The following TYW1 variants were observed in gnomAD, a reference collection of about 807,000 sequenced individuals.
TYW1 encodes the protein S-adenosyl-L-methionine-dependent tRNA 4-demethylwyosine synthase TYW1.
Under a neutral mutation model 96.2 loss-of-function variants are expected in TYW1, and 46 were observed. That is an observed-to-expected ratio of 0.48 (90% confidence interval 0.38 to 0.61). The LOEUF (loss-of-function observed/expected upper bound fraction) is 0.61, where lower values mean the gene tolerates loss of function less well. Ranked by LOEUF, TYW1 falls within the 20% of genes least tolerant of loss-of-function variation. The pLI is 0.00. For synonymous variants in TYW1, 274 were observed against 323.0 expected, an observed-to-expected ratio of 0.85 and a Z score of 1.63; for missense variants, 684 against 909.6, an observed-to-expected ratio of 0.75 and a Z score of 3.19.
intron 12 of TYW1, among the ~76,000 whole-genome samples, chr7:67,107,874 C>CTTT (rs1027528139): frequency 2.8e-4 from 34 of 121,472 alleles, no homozygotes; most frequent in Admixed American, 9.3e-4. Context: ...CCAAGATGGA[C>CTTT]TTTTTTTTTT....
intron 5 of TYW1, among the ~76,000 whole-genome samples, chr7:67,014,854 C>G (rs1408077274): frequency 3.3e-5 from 5 of 151,948 alleles, no homozygotes; most frequent in Admixed American, 3.3e-4. Flanking sequence ...CTCAACCTCC[C>G]GAGTAGCTGG....
chr7:67,058,217 G>A (rs1322247842), intron 9 of TYW1, among the ~76,000 whole-genome samples: 1 of 152,184 alleles, frequency 6.6e-6, no homozygotes, highest in Admixed American at 6.5e-5. Context: ...TACAGGCGTA[G>A]GCCACTGCGC....
At chr7:67,062,395 ACT>A (rs1327665386) in intron 9 of TYW1, among the ~76,000 whole-genome samples, 1 of 150,126 alleles carries the variant, frequency 6.7e-6, no homozygotes, top group Non-Finnish European at 1.5e-5. Context: ...GGCAACAGAG[ACT>A]CTGTCTTAAA....
At chr7:67,002,690 G>A (rs191298201) in intron 3 of TYW1, among the ~76,000 whole-genome samples, 2 of 151,754 alleles carry the variant, frequency 1.3e-5, no homozygotes, top group Non-Finnish European at 2.9e-5. Context: ...TTGACGATTT[G>A]TGTGCATTAG....
At position 67,083,529 on chromosome 7, in the gene TYW1, G is replaced by A. The variant is rs1796447658; in HGVS notation, c.1374G>A (p.Lys458=). 6.2e-7 allele frequency: 1 copy of A among 1,614,116 alleles called. No individual in the cohort carries two copies. The highest frequency in any genetic ancestry group is 1.1e-5 in the South Asian group (1 of 91,084). The change falls in exon 11 of 16, where the codon AAG becomes AAA. Residue 458 remains lysine (K), a synonymous_variant. Transcript: ENST00000359626. Reference sequence around the variant, plus strand: ...TTGAAAACCATCAGAACATGATTAAGCAGTTTAAAGGTATTTATCTTCCCT... The same window carrying A: ...TTGAAAACCATCAGAACATGATTAAACAGTTTAAAGGTATTTATCTTCCCT... ...EAIENHQNMI[K]QFKGVPGVKA... is the part of the protein sequence containing the mutation.
Position 67,117,595 on chromosome 7 carries a change from A to T in TYW1, c.1675A>T (p.Ser559Cys), listed in dbSNP as rs768442698. 6.2e-7 allele frequency: 1 copy of T among 1,613,168 alleles called. No homozygotes were observed. The highest frequency in any genetic ancestry group is 8.5e-7 in the Non-Finnish European group (1 of 1,179,778). Residue 559 changes from serine to cysteine, a missense_variant, in exon 13 of 16, where the codon AGT becomes TGT. By Grantham distance (112) the Ser-to-Cys change is moderately radical. Transcript: ENST00000359626. ...FKDFWQRFLD[S>C]LKALAVKQQR... ...GGATTTCTGGCAGAGATTCCTTGAC[A>T]GTTTAAAAGCCTTGGCAGTCAAGGT...
At chr7:67,069,909 C>T (rs892667923) in intron 10 of TYW1, among the ~76,000 whole-genome samples, 9 of 152,220 alleles carry the variant, frequency 5.9e-5, no homozygotes, top group South Asian at 4.1e-4. Context: ...TAGTATTTAT[C>T]GTAGGGCAGG....
chr7:67,074,593 T>TA, intron 10 of TYW1, among the ~76,000 whole-genome samples: 1 of 152,350 alleles, frequency 6.6e-6, no homozygotes, highest in East Asian at 1.9e-4. Context: ...TACGAGGTTT[T>TA]AAAATTAGAA....
Position 67,239,110 on chromosome 7 carries a change from C to A in TYW1, c.*581C>A. 2 of 986,498 alleles carry A rather than the reference C, an allele frequency of 2.0e-6. No homozygotes were observed. The highest frequency in any genetic ancestry group is 2.4e-6 in the Non-Finnish European group (2 of 830,596). The allele number at this position is 986,498 out of a possible 1,614,324, so 61.1% of individuals were successfully genotyped here. On this transcript the variant is annotated 3_prime_UTR_variant, in exon 16 of 16. Transcript: ENST00000359626. ...GTTTTGGTTTATTACCAACCCTTCC[C>A]AGAATTGCGTTGGATCTAAAACTAC...
intron 15 of TYW1, among the ~76,000 whole-genome samples, chr7:67,208,722 A>G (rs6942913): frequency 0.26 from 39,706 of 149,858 alleles, 5,635 homozygotes; most frequent in African/African-American, 0.35. Context: ...ACAACATTCT[A>G]GAGGGATCCC....
At chr7:67,085,766 C>T (rs985593864) in intron 11 of TYW1, among the ~76,000 whole-genome samples, 1 of 152,088 alleles carries the variant, frequency 6.6e-6, no homozygotes, top group East Asian at 1.9e-4. Context: ...GTCAGGAGTT[C>T]GAGACCAGCC....
intron 13 of TYW1, among the ~76,000 whole-genome samples, chr7:67,151,187 A>G (rs936674370): frequency 6.6e-6 from 1 of 152,198 alleles, no homozygotes; most frequent in Non-Finnish European, 1.5e-5. Context: ...AATAGCTGGA[A>G]TTAAAGGTGT....
intron 15 of TYW1, among the ~76,000 whole-genome samples, chr7:67,200,625 G>T (rs1296063706): frequency 3.3e-5 from 5 of 152,040 alleles, no homozygotes; most frequent in Non-Finnish European, 7.4e-5. Context: ...ATTTGGGTGG[G>T]GACACAGTCA....
intron 13 of TYW1, among the ~76,000 whole-genome samples, chr7:67,128,683 T>G (rs1453141229): frequency 7.0e-6 from 1 of 143,306 alleles, no homozygotes; most frequent in Non-Finnish European, 1.5e-5. Flanking sequence ...TATGATTAGG[T>G]CTCAGTGTTT....
intron 10 of TYW1, among the ~76,000 whole-genome samples, chr7:67,079,632 A>G (rs1796320344): frequency 6.6e-6 from 1 of 151,268 alleles, no homozygotes; most frequent in African/African-American, 2.4e-5. Context: ...CTGTTCTAGT[A>G]ATTTTGGGTT....
intron 3 of TYW1, among the ~76,000 whole-genome samples, chr7:67,009,183 A>T (rs1203386054): frequency 6.6e-6 from 1 of 151,698 alleles, no homozygotes; most frequent in Non-Finnish European, 1.5e-5. Flanking sequence ...CTAATTTTTA[A>T]ATTTTTTTAT....
rs973059227 is a variant in TYW1, at chr7:67,010,764, C to T, written c.375+1080C>T. ...TGCTAGGATTACAGACGTGAGTCAC[C>T]GCGCCTGGCCAAAAGATTTTTTATA... is the stretch of plus-strand genomic sequence containing the variant. On this transcript the variant is annotated intron_variant, in intron 4 of 15. Transcript: ENST00000359626. 5.3e-5 allele frequency among the ~76,000 whole-genome samples: 8 copies of T among 151,946 alleles called. No homozygotes were observed. In the South Asian group the frequency reaches 1.0e-3, roughly 20 times the overall value.
chr7:67,002,771 A>G (rs937171685), intron 3 of TYW1, among the ~76,000 whole-genome samples: 2 of 147,732 alleles, frequency 1.4e-5, no homozygotes, highest in Non-Finnish European at 3.0e-5. Context: ...TTCCTGTGGG[A>G]TGTTCTACCT....
At chr7:67,117,427 G>T in intron 12 of TYW1, 56 bp from the exon 13 acceptor site, 1 of 1,565,426 alleles carries the variant, frequency 6.4e-7, no homozygotes, top group South Asian at 1.2e-5. Flanking sequence ...TTATATCATG[G>T]AAAGCCTGAT....
Sources: allele counts gnomAD v4.1 joint callset (sites outside exome capture counted in the v4.1 genomes callset), GRCh38; gene constraint gnomAD v4.1.1; transcripts MANE v1.5; gene names NCBI Gene and HGNC (gene_info 2026-07-23, HGNC 2026-07-21).